Variants in PCF11 observed in about 807,000 individuals in gnomAD.
The protein encoded by PCF11 is pre-mRNA cleavage complex 2 protein Pcf11.
In PCF11, 19 loss-of-function variants were observed where a neutral mutation model predicts 166.1. That is an observed-to-expected ratio of 0.11 (90% CI 0.08 to 0.17). The LOEUF (loss-of-function observed/expected upper bound fraction) is 0.17, where lower values mean the gene tolerates loss of function less well. Among genes scored for constraint, PCF11 ranks in the 10% least tolerant of loss-of-function variants. The probability of loss-of-function intolerance (pLI) is 1.00; values close to 1 mark genes in which losing one functional copy is unlikely to be tolerated. For missense variants in PCF11, 1,565 were observed against 1,855.5 expected (o/e 0.84, Z 2.88); for synonymous variants, 663 against 644.1 (o/e 1.03, Z -0.44).
chr11:83,158,513 G>T (rs903718847), intron 1 of PCF11: 2 of 152,190 alleles, frequency 1.3e-5, no homozygotes, highest in African/African-American at 4.8e-5. Context: ...GTGGTCCTCT[G>T]CCACCTTATA....
In PCF11 at chr11:83,167,066, G is replaced by C. The variant is rs117710095; in HGVS notation, c.1818-59G>C. 3.4e-4 allele frequency: 445 copies of C among 1,292,586 alleles called. 3 individuals carry two copies. The East Asian group carries it at 9.1e-3, about 26-fold the overall frequency. The allele number at this position is 1,292,586 out of a possible 1,614,324, so 80.1% of individuals were successfully genotyped here. On this transcript the variant is annotated intron_variant, in intron 5 of 15. Transcript: ENST00000298281. The surrounding 1 kb of genome is among the most constrained non-coding windows in gnomAD (Gnocchi z 4.2). ...TCCTTTGAAAAGAATCTTTAAATAT[G>C]GTCCTGAGTATTTTTTAAAAAAACA...
At chr11:83,182,669 G>A (rs1343399321) in intron 14 of PCF11, among the ~76,000 whole-genome samples, 178 bp downstream of exon 14, 2 of 152,104 alleles carry the variant, frequency 1.3e-5, no homozygotes, top group East Asian at 1.9e-4. Flanking sequence ...GCAGTCACCC[G>A]GTTCTGTACA....
In PCF11 at chr11:83,177,971, A is replaced by G. The variant is rs1226781243; in HGVS notation, c.3983+152A>G. Reference sequence around the variant, plus strand: ...TCTTTTTTTTTTTTTAATGTGGTAAAATATACATAACATAGTCTTTGGGAA... The same window carrying G: ...TCTTTTTTTTTTTTTAATGTGGTAAGATATACATAACATAGTCTTTGGGAA... On this transcript the variant is annotated intron_variant, in intron 11 of 15. Transcript: ENST00000298281. 1.3e-5 allele frequency among the ~76,000 whole-genome samples: 2 copies of G among 151,426 alleles called. 1 individual carries two copies. Among genetic ancestry groups the G allele is most frequent in the South Asian group, 4.2e-4 (2 of 4,808 alleles).
chr11:83,177,096 A>G, exon 10 of PCF11: 1 of 1,533,766 alleles, frequency 6.5e-7, no homozygotes, highest in Non-Finnish European at 8.8e-7. Flanking sequence ...AGCCCTCCCT[A>G]AGGCATATCC....
At chr11:83,159,610 C>T (rs1447275750) in intron 1 of PCF11, among the ~76,000 whole-genome samples, 1 of 152,090 alleles carries the variant, frequency 6.6e-6, no homozygotes, top group African/African-American at 2.4e-5. Flanking sequence ...TTTGGGGGCA[C>T]ACGTTTCCTG....
exon 1 of PCF11, chr11:83,157,384 A>G: frequency 1.3e-6 from 2 of 1,499,732 alleles, no homozygotes; most frequent in Non-Finnish European, 1.8e-6. Context: ...GAGGCGGGGT[A>G]TCCAGAGCGG....
intron 9 of PCF11, among the ~76,000 whole-genome samples, chr11:83,173,095 T>G (rs1860742375): frequency 6.6e-6 from 1 of 152,256 alleles, no homozygotes; most frequent in Admixed American, 6.5e-5. Flanking sequence ...GAATCTCTAC[T>G]ATGTTACTTT....
At chr11:83,186,162 C>T (rs1038260138) in exon 16 of PCF11, 3 of 152,094 alleles carry the variant, frequency 2.0e-5, no homozygotes, top group Admixed American at 2.0e-4. Context: ...TTAAAAGATA[C>T]CCCCAAATTG....
chr11:83,169,869 C>G, exon 8 of PCF11: 1 of 1,613,454 alleles, frequency 6.2e-7, no homozygotes. Flanking sequence ...ACCAGAGTTT[C>G]TCTAATCCAC....
At chr11:83,171,839 C>G (rs1335842598) in exon 9 of PCF11, 1 of 1,595,952 alleles carries the variant, frequency 6.3e-7, no homozygotes, top group Non-Finnish European at 8.6e-7. Flanking sequence ...TGTTGCTCAG[C>G]CAGTAGCTTT....
In PCF11 at chr11:83,167,425, G is replaced by T. The variant is rs771708258; in HGVS notation, c.2012G>T (p.Arg671Leu). The T allele has an allele frequency of 2.5e-6, 4 of 1,598,122 alleles. No homozygotes were observed. The highest frequency in any genetic ancestry group is 3.4e-6 in the Non-Finnish European group (4 of 1,174,546). Reference sequence around the variant, plus strand: ...ATCACCCCTATACAGACGAGTGAACGTTTAGCATCTGGTGAAATTACACAG... The same window carrying T: ...ATCACCCCTATACAGACGAGTGAACTTTTAGCATCTGGTGAAATTACACAG... The change falls in exon 7 of 16, where the codon CGT becomes CTT. Residue 671 changes from arginine to leucine, a missense_variant. Transcript: ENST00000298281. This position sits in a 1 kb window ranked among gnomAD's most constrained non-coding sequence, Gnocchi z 4.2.
chr11:83,163,829 T>A (rs758008259), exon 3 of PCF11: 1 of 1,560,112 alleles, frequency 6.4e-7, no homozygotes. Flanking sequence ...TGTGAATACG[T>A]CTAGCATCCA....
chr11:83,169,157 T>G, exon 8 of PCF11: 1 of 1,613,286 alleles, frequency 6.2e-7, no homozygotes, highest in South Asian at 1.1e-5. Context: ...GGAGGTGGAA[T>G]CAGATTTGAG....
intron 11 of PCF11, among the ~76,000 whole-genome samples, chr11:83,179,704 G>A (rs1861019526): frequency 6.6e-6 from 1 of 152,016 alleles, no homozygotes; most frequent in Non-Finnish European, 1.5e-5. Context: ...AGGAGTTCAA[G>A]ACCAGCTTGG....
At chr11:83,164,429 T>C (rs776582796) in intron 4 of PCF11, 28 bp downstream of exon 4, 92 of 1,545,444 alleles carry the variant, frequency 6.0e-5, no homozygotes, top group Non-Finnish European at 7.9e-5. Flanking sequence ...TCATTTTAAA[T>C]ATTTTAAACC....
intron 4 of PCF11, among the ~76,000 whole-genome samples, chr11:83,164,798 G>A (rs913707124): frequency 1.3e-5 from 2 of 151,964 alleles, no homozygotes; most frequent in African/African-American, 2.4e-5. Flanking sequence ...GATCACTTGC[G>A]GCTGCAGTGT....
At chr11:83,164,211 A>T (rs1565151892) in exon 4 of PCF11, 1 of 1,604,684 alleles carries the variant, frequency 6.2e-7, no homozygotes, top group Non-Finnish European at 8.5e-7. Context: ...TTATAGCCCG[A>T]GGAGCCTTCA....
intron 1 of PCF11, 176 bp downstream of exon 1, chr11:83,157,807 G>T (rs770225332): frequency 1.4e-4 from 87 of 619,706 alleles, no homozygotes; most frequent in Admixed American, 1.5e-4. Context: ...GGGCCTCTGG[G>T]GGGGAGGGAG....
chr11:83,168,340 G>A (rs2135426607), intron 7 of PCF11, 88 bp from the exon 8 acceptor site: 1 of 1,226,628 alleles, frequency 8.2e-7, no homozygotes, highest in Non-Finnish European at 1.1e-6. Flanking sequence ...AATGTAGTGA[G>A]ATAGTTATAT....
Sources: gnomAD v4.1 joint callset for allele counts (sites outside exome capture counted in the v4.1 genomes callset) on GRCh38, gnomAD v4.1.1 for gene constraint, Gnocchi (gnomAD v3.1) non-coding constraint, MANE v1.5 for transcripts, NCBI Gene and HGNC (gene_info 2026-07-23, HGNC 2026-07-21) for gene names.